The following DLG5 variants were observed in gnomAD, a reference collection of about 807,000 sequenced individuals.
DLG5 encodes the protein discs large MAGUK scaffold protein 5.
In DLG5, 48 loss-of-function variants were observed where a neutral mutation model predicts 189.8. That is an observed-to-expected ratio of 0.25 (90% confidence interval 0.20 to 0.32). DLG5 has a LOEUF of 0.32. Ranked by LOEUF, DLG5 falls within the 10% of genes least tolerant of loss-of-function variation. The probability of loss-of-function intolerance (pLI) is 1.00; values close to 1 mark genes in which losing one functional copy is unlikely to be tolerated. For missense variants in DLG5, 2,160 were observed against 2,544.7 expected (o/e 0.85, Z 3.25); for synonymous variants, 1,016 against 1,054.1 (o/e 0.96, Z 0.70).
chr10:77,823,452 A>AAT (rs533429687), intron 14 of DLG5, among the ~76,000 whole-genome samples: 5 of 152,142 alleles, frequency 3.3e-5, no homozygotes, highest in Non-Finnish European at 7.4e-5. Flanking sequence ...TATTTCACTA[A>AAT]ATTGTCTTTT....
At chr10:77,878,995 C>T (rs1845190941) in intron 1 of DLG5, among the ~76,000 whole-genome samples, 1 of 152,216 alleles carries the variant, frequency 6.6e-6, no homozygotes, top group South Asian at 2.1e-4. Context: ...TGGGATGCAG[C>T]AGGAAGCAAG....
chr10:77,905,932 T>G (rs1846059624), intron 1 of DLG5, among the ~76,000 whole-genome samples: 1 of 152,234 alleles, frequency 6.6e-6, no homozygotes, highest in Admixed American at 6.5e-5. Context: ...ATTTCTTATG[T>G]TTTCACTGAG....
chr10:77,805,543 T>A, intron 27 of DLG5, 122 bp downstream of exon 27: 1 of 1,177,010 alleles, frequency 8.5e-7, no homozygotes, highest in Non-Finnish European at 1.2e-6. Flanking sequence ...AACACACACC[T>A]TCAGACTTGC....
chr10:77,826,268 G>A (rs1013234870), intron 13 of DLG5, among the ~76,000 whole-genome samples: 6 of 152,200 alleles, frequency 3.9e-5, no homozygotes, highest in Non-Finnish European at 4.4e-5. Context: ...GGGAGGGACT[G>A]GTCAACAACT....
chr10:77,855,819 C>G (rs1180677975), intron 3 of DLG5, among the ~76,000 whole-genome samples: 1 of 152,148 alleles, frequency 6.6e-6, no homozygotes, highest in Non-Finnish European at 1.5e-5. Context: ...GTGTTTACAC[C>G]AAGCCCCCCT....
intron 27 of DLG5, among the ~76,000 whole-genome samples, chr10:77,798,497 C>G (rs1171972553): frequency 6.6e-6 from 1 of 152,232 alleles, no homozygotes; most frequent in Non-Finnish European, 1.5e-5. Context: ...CCCCACTGGG[C>G]TCCTTGAAGG....
rs1156320124 is a variant in DLG5, at chr10:77,817,797, A to C, written c.3764T>G (p.Leu1255Arg). Reference sequence around the variant, plus strand: ...GTTACCCAGGCGGGCGCTGGAGGGCAGTGAGTTGGACCCATGGGTGGCTCT... The same window carrying C: ...GTTACCCAGGCGGGCGCTGGAGGGCCGTGAGTTGGACCCATGGGTGGCTCT... ...EMRATHGSNS[L>R]PSSARLGSSS... The change falls in exon 18 of 32, where the codon CTG becomes CGG. Residue 1255 changes from leucine (L) to arginine (R), a missense_variant. Coordinates refer to ENST00000372391, the MANE Select transcript of DLG5 (RefSeq NM_004747.4). The C allele has an allele frequency of 1.3e-6, 2 of 1,554,898 alleles. No homozygotes were observed. The highest frequency in any genetic ancestry group is 1.7e-6 in the Non-Finnish European group (2 of 1,148,594).
intron 27 of DLG5, among the ~76,000 whole-genome samples, chr10:77,801,312 A>C (rs1261143145): frequency 6.6e-6 from 1 of 152,238 alleles, no homozygotes; most frequent in Non-Finnish European, 1.5e-5. Flanking sequence ...AATAAAATAC[A>C]ACTTCTGAAA....
Position 77,796,389 on chromosome 10 carries a change from G to A in DLG5, c.5308+62C>T. ...CCCACTGTGCACAGCTGGGCAGGCA[G>A]GTGGACAGGGACATAGAGACAAAGA... is the stretch of plus-strand genomic sequence containing the variant. On this transcript the variant is annotated intron_variant, in intron 28 of 31. Coordinates refer to ENST00000372391, the MANE Select transcript of DLG5 (RefSeq NM_004747.4). The surrounding 1 kb of genome is among the most constrained non-coding windows in gnomAD (Gnocchi z 5.2). 6.2e-7 allele frequency: 1 copy of A among 1,612,574 alleles called. No individual in the cohort carries two copies. The highest frequency in any genetic ancestry group is 8.5e-7 in the Non-Finnish European group (1 of 1,178,952).
At chr10:77,909,312 C>G (rs1158494441) in intron 1 of DLG5, among the ~76,000 whole-genome samples, 1 of 152,000 alleles carries the variant, frequency 6.6e-6, no homozygotes, top group Non-Finnish European at 1.5e-5. Flanking sequence ...ACAATGAGAA[C>G]ACATGGACAC....
chr10:77,860,019 T>C (rs1369794463), intron 2 of DLG5, among the ~76,000 whole-genome samples: 1 of 152,226 alleles, frequency 6.6e-6, no homozygotes, highest in African/African-American at 2.4e-5. Context: ...TGGAGCTTCC[T>C]TTGAACGTGC....
At chr10:77,890,790 C>T (rs755309473) in intron 1 of DLG5, among the ~76,000 whole-genome samples, 1 of 152,190 alleles carries the variant, frequency 6.6e-6, no homozygotes, top group Non-Finnish European at 1.5e-5. Flanking sequence ...CCAGAGGGAG[C>T]TTCCCAGAGC....
At chr10:77,857,286 C>T (rs1257091661) in intron 2 of DLG5, among the ~76,000 whole-genome samples, 1 of 152,240 alleles carries the variant, frequency 6.6e-6, no homozygotes, top group Admixed American at 6.5e-5. Context: ...GACAGACCAA[C>T]CTGTGCCCTG....
chr10:77,856,203 T>G (rs1844218826), intron 3 of DLG5, among the ~76,000 whole-genome samples: 1 of 151,076 alleles, frequency 6.6e-6, no homozygotes, highest in Admixed American at 6.6e-5. Flanking sequence ...AAAAAAAAAA[T>G]TAGTTGGGCA....
rs556336083 is a variant in DLG5 at position 77,801,796 on chromosome 10, G to A, written c.5164+3869C>T. Among the ~76,000 whole-genome samples, 3 of 152,304 alleles carry A rather than the reference G, an allele frequency of 2.0e-5. No individual in the cohort carries two copies. The South Asian group carries it at 6.2e-4, about 32-fold the overall frequency. On this transcript the variant is annotated intron_variant, in intron 27 of 31. Coordinates refer to ENST00000372391, the MANE Select transcript of DLG5 (RefSeq NM_004747.4). ...CAATGAGTGTGGCAGGCTGACAAGTGTCCCCCAAAGACTGACTCATGTCCT... is the reference window on the plus strand; with the variant it reads ...CAATGAGTGTGGCAGGCTGACAAGTATCCCCCAAAGACTGACTCATGTCCT...
chr10:77,867,644 G>A (rs761601793), intron 2 of DLG5, among the ~76,000 whole-genome samples: 8 of 152,234 alleles, frequency 5.3e-5, no homozygotes, highest in Non-Finnish European at 1.0e-4. Context: ...GAGGGTTATG[G>A]GAGGAACTGT....
At position 77,796,809 on chromosome 10, in the gene DLG5, C is replaced by A. The variant is rs1462229720; in HGVS notation, c.5165-215G>T. On this transcript the variant is annotated intron_variant, in intron 27 of 31. Coordinates refer to ENST00000372391, the MANE Select transcript of DLG5 (RefSeq NM_004747.4). The surrounding 1 kb of genome is among the most constrained non-coding windows in gnomAD (Gnocchi z 5.2). ...CCATGCCCTCTGTGAACACCAGAGG[C>A]AGCTGGTCTCAACCACTCATCCCAG... Among the ~76,000 whole-genome samples the A allele has an allele frequency of 1.3e-5, 2 of 152,220 alleles. No individual in the cohort carries two copies. Among genetic ancestry groups the A allele is most frequent in the Admixed American group, 1.3e-4 (2 of 15,292 alleles).
chr10:77,933,756 C>T, the DLG5 span, among the ~76,000 whole-genome samples: 23 of 151,112 alleles, frequency 1.5e-4, no homozygotes, highest in African/African-American at 5.4e-4. Context: ...TTCTATATTC[C>T]TGTGATAAAC....
chr10:77,846,626 G>A (rs1490078890), intron 5 of DLG5: 1 of 447,066 alleles, frequency 2.2e-6, no homozygotes, highest in Non-Finnish European at 4.5e-6. Context: ...GAACCCAGGA[G>A]GCGTAGGTTG....
Sources: allele counts gnomAD v4.1 joint callset (sites outside exome capture counted in the v4.1 genomes callset), GRCh38; gene constraint gnomAD v4.1.1; non-coding constraint Gnocchi (gnomAD v3.1); transcripts MANE v1.5; gene names NCBI Gene and HGNC (gene_info 2026-07-23, HGNC 2026-07-21).